Variants in DNER observed in about 807,000 individuals in gnomAD.
DNER encodes the protein delta and Notch-like epidermal growth factor-related receptor.
Under a neutral mutation model 78.2 loss-of-function variants are expected in DNER, and 33 were observed. That is an observed-to-expected ratio of 0.42 (90% CI 0.32 to 0.56). The LOEUF is 0.56. Ranked by LOEUF, DNER falls within the 20% of genes least tolerant of loss-of-function variation. The pLI, the probability that DNER is intolerant of heterozygous loss-of-function variation, is 0.11. For synonymous variants in DNER, 417 were observed against 384.8 expected (o/e 1.08, Z -0.98); for missense variants, 918 against 975.3 (o/e 0.94, Z 0.78).
chr2:229,390,262 C>T (rs1295195316), intron 10 of DNER, among the ~76,000 whole-genome samples: 1 of 152,238 alleles, frequency 6.6e-6, no homozygotes, highest in East Asian at 1.9e-4. Context: ...AAACAGCCCA[C>T]ATTTCCCTAC....
At chr2:229,693,118 TG>T (rs1699608306) in intron 1 of DNER, among the ~76,000 whole-genome samples, 1 of 151,984 alleles carries the variant, frequency 6.6e-6, no homozygotes, top group Non-Finnish European at 1.5e-5. Flanking sequence ...AACTGAATCA[TG>T]GGGGCAGTTA....
intron 1 of DNER, among the ~76,000 whole-genome samples, chr2:229,645,132 G>A (rs1302404246): frequency 1.3e-5 from 2 of 152,096 alleles, no homozygotes; most frequent in Non-Finnish European, 2.9e-5. Context: ...GAGTAGCTAG[G>A]ACTATAGGCA....
intron 10 of DNER, among the ~76,000 whole-genome samples, chr2:229,392,272 T>C (rs1220375041): frequency 1.5e-5 from 2 of 135,068 alleles, no homozygotes. Flanking sequence ...AGATGAAATA[T>C]ATGAAAAAAA....
chr2:229,671,447 C>G (rs1699206692), intron 1 of DNER, among the ~76,000 whole-genome samples: 1 of 152,220 alleles, frequency 6.6e-6, no homozygotes, highest in South Asian at 2.1e-4. Flanking sequence ...TATGTCATCA[C>G]TTCCTTTAAT....
chr2:229,506,914 G>A (rs1196773186), intron 6 of DNER, among the ~76,000 whole-genome samples: 1 of 152,122 alleles, frequency 6.6e-6, no homozygotes, highest in East Asian at 1.9e-4. Context: ...TTTAAGAAAC[G>A]TGTTGTTAGG....
At chr2:229,531,561 G>A (rs1696302648) in intron 5 of DNER, among the ~76,000 whole-genome samples, 1 of 152,170 alleles carries the variant, frequency 6.6e-6, no homozygotes, top group African/African-American at 2.4e-5. Context: ...TTGCTGGTGG[G>A]AATGCAAAAT....
At chr2:229,510,415 G>T (rs1163347026) in intron 6 of DNER, among the ~76,000 whole-genome samples, 1 of 152,206 alleles carries the variant, frequency 6.6e-6, no homozygotes, top group Non-Finnish European at 1.5e-5. Context: ...TGTGCAGCAG[G>T]GTCAAGAATT....
At chr2:229,647,419 G>A (rs560376997) in intron 1 of DNER, among the ~76,000 whole-genome samples, 9 of 152,256 alleles carry the variant, frequency 5.9e-5, no homozygotes, top group South Asian at 4.1e-4. Flanking sequence ...TAGAACACAC[G>A]TTTTGAGAAT....
At chr2:229,441,857 C>T (rs1293725024) in intron 8 of DNER, among the ~76,000 whole-genome samples, 4 of 152,204 alleles carry the variant, frequency 2.6e-5, no homozygotes, top group Non-Finnish European at 5.9e-5. Flanking sequence ...AGACCAGCTC[C>T]TAACGACCTC....
At chr2:229,616,118 A>T (rs1698158322) in intron 1 of DNER, among the ~76,000 whole-genome samples, 2 of 152,356 alleles carry the variant, frequency 1.3e-5, no homozygotes, top group South Asian at 4.1e-4. Context: ...AATGTGGTAG[A>T]AAATATTATT....
chr2:229,600,021 A>T (rs758018366), intron 1 of DNER, among the ~76,000 whole-genome samples: 2 of 152,196 alleles, frequency 1.3e-5, no homozygotes, highest in Non-Finnish European at 2.9e-5. Context: ...GAACTTTTAA[A>T]ACACAGATTC....
At chr2:229,609,523 G>A (rs926105823) in intron 1 of DNER, among the ~76,000 whole-genome samples, 1 of 152,178 alleles carries the variant, frequency 6.6e-6, no homozygotes, top group Non-Finnish European at 1.5e-5. Flanking sequence ...TTATCTGGCT[G>A]CCTTCACATG....
At chr2:229,594,180 C>T (rs1697661377) in intron 1 of DNER, among the ~76,000 whole-genome samples, 1 of 152,242 alleles carries the variant, frequency 6.6e-6, no homozygotes, top group South Asian at 2.1e-4. Flanking sequence ...ACAACACCTA[C>T]CCTCCCCAAG....
At position 229,397,463 on chromosome 2, in the gene DNER, C is replaced by CAAAAAAAAAAAAAAAAAAAAAAAA. The variant is rs763572496; in HGVS notation, c.1724-9068_1724-9067insTTTTTTTTTTTTTTTTTTTTTTTT. 2.7e-4 allele frequency among the ~76,000 whole-genome samples: 26 copies of CAAAAAAAAAAAAAAAAAAAAAAAA among 96,508 alleles called. 1 individual carries two copies. The highest frequency in any genetic ancestry group is 3.7e-4 in the Non-Finnish European group (18 of 48,572). 63.3% of individuals were successfully genotyped at this position (96,508 alleles called of 152,430 possible). A position where few individuals can be genotyped will look rare whatever the true frequency, so the allele number is the denominator to read the frequency against. On this transcript the variant is annotated intron_variant, in intron 10 of 12. Coordinates refer to ENST00000341772, the MANE Select transcript of DNER (RefSeq NM_139072.4). ...ACTGCTCCACTCCAGCCAAACACTA[C>CAAAAAAAAAAAAAAAAAAAAAAAA]AAAAAAAAAAAAAAAACTGCAAGTC...
At chr2:229,660,845 G>T (rs1698998118) in intron 1 of DNER, among the ~76,000 whole-genome samples, 1 of 152,136 alleles carries the variant, frequency 6.6e-6, no homozygotes, top group African/African-American at 2.4e-5. Flanking sequence ...GAAATTTGTA[G>T]AACACAACTC....
At chr2:229,705,242 A>G (rs1294609552) in intron 1 of DNER, among the ~76,000 whole-genome samples, 1 of 152,240 alleles carries the variant, frequency 6.6e-6, no homozygotes, top group Non-Finnish European at 1.5e-5. Flanking sequence ...CCCAAAATGT[A>G]ATTACAAATG....
chr2:229,391,845 A>AT (rs753106124), intron 10 of DNER, among the ~76,000 whole-genome samples: 28 of 151,958 alleles, frequency 1.8e-4, no homozygotes, highest in Non-Finnish European at 3.1e-4. Flanking sequence ...GCCCAGCCAA[A>AT]TTTTTTTTCA....
At chr2:229,605,881 G>T (rs1415561261) in intron 1 of DNER, among the ~76,000 whole-genome samples, 1 of 152,138 alleles carries the variant, frequency 6.6e-6, no homozygotes, top group Admixed American at 6.6e-5. Context: ...GATGGAGCAA[G>T]ACCCTGTCTC....
chr2:229,359,062 G>A (rs1210801266), intron 12 of DNER, among the ~76,000 whole-genome samples: 3 of 152,156 alleles, frequency 2.0e-5, no homozygotes, highest in South Asian at 2.1e-4. Context: ...TCTTCCCCGG[G>A]CCATGGACAG....
Sources: gnomAD v4.1 joint callset for allele counts (sites outside exome capture counted in the v4.1 genomes callset) on GRCh38, gnomAD v4.1.1 for gene constraint, MANE v1.5 for transcripts, NCBI Gene and HGNC (gene_info 2026-07-23, HGNC 2026-07-21) for gene names.